The following ICE2 variants were observed in gnomAD, a reference collection of about 807,000 sequenced individuals.
ICE2 encodes the protein little elongation complex subunit 2.
Under a neutral mutation model 105.4 loss-of-function variants are expected in ICE2, and 87 were observed. The ratio of observed to expected loss-of-function variants is 0.83; its 90% CI spans 0.69 to 0.99. The LOEUF (loss-of-function observed/expected upper bound fraction) is 0.99, where lower values mean the gene tolerates loss of function less well. Among genes scored for constraint, ICE2 ranks in the 50% least tolerant of loss-of-function variants. The pLI, the probability that ICE2 is intolerant of heterozygous loss-of-function variation, is 0.00. For synonymous variants in ICE2, 399 were observed against 392.0 expected (o/e 1.02, Z -0.21); for missense variants, 1,323 against 1,146.7 (o/e 1.15, Z -2.22).
intron 8 of ICE2, among the ~76,000 whole-genome samples, chr15:60,453,985 A>G (rs890459552): frequency 6.6e-6 from 1 of 152,206 alleles, no homozygotes; most frequent in Non-Finnish European, 1.5e-5. Context: ...AACTGGCAGG[A>G]GAAAAATGTC....
At chr15:60,471,690 G>A (rs187750350) in intron 3 of ICE2, among the ~76,000 whole-genome samples, 38 of 151,952 alleles carry the variant, frequency 2.5e-4, no homozygotes, top group Admixed American at 4.6e-4. Context: ...CTCTATTCAC[G>A]TATACAGCAT....
chr15:60,453,494 T>TAA (rs2064016911), intron 9 of ICE2, 109 bp downstream of exon 9: 1 of 1,475,630 alleles, frequency 6.8e-7, no homozygotes, highest in Admixed American at 2.6e-5. Context: ...AGTTTGAATC[T>TAA]AAAGCCTGTA....
chr15:60,462,247 A>G (rs2064299514), intron 5 of ICE2, among the ~76,000 whole-genome samples: 1 of 152,248 alleles, frequency 6.6e-6, no homozygotes, highest in African/African-American at 2.4e-5. Context: ...GTGAATGAAT[A>G]CATCTAGGCA....
At chr15:60,429,653 T>TTA (rs1243861071) in intron 14 of ICE2, among the ~76,000 whole-genome samples, 18 of 152,212 alleles carry the variant, frequency 1.2e-4, no homozygotes, top group Non-Finnish European at 1.6e-4. Context: ...TTATCATACT[T>TTA]TAGCTATACA....
rs142392036 is a variant in ICE2, at chr15:60,468,315, C to G, written c.154G>C (p.Gly52Arg). 6.3e-7 allele frequency: 1 copy of G among 1,598,732 alleles called. No individual in the cohort carries two copies. The highest frequency in any genetic ancestry group is 8.6e-7 in the Non-Finnish European group (1 of 1,169,096). Residue 52 changes from glycine (G) to arginine (R), a missense_variant, in exon 4 of 16, where the codon GGA (glycine) becomes CGA (arginine). Coordinates refer to ENST00000261520, the MANE Select transcript of ICE2 (RefSeq NM_024611.6). ...ELRVLSNRRI[G>R]ENLNASASSV... ...CTTGCTGAGGCATTCAAATTTTCTC[C>G]TATACGTCTGGAAAACAAAATATAA...
Position 60,431,974 on chromosome 15 carries a change from A to C in ICE2, c.2521T>G (p.Leu841Val), listed in dbSNP as rs1178321776. 2 of 1,420,084 alleles carry C rather than the reference A, an allele frequency of 1.4e-6. No individual in the cohort carries two copies. The highest frequency in any genetic ancestry group is 2.0e-6 in the Non-Finnish European group (2 of 1,019,820). The allele number at this position is 1,420,084 out of a possible 1,614,324, so 88.0% of individuals were successfully genotyped here. A position where few individuals can be genotyped will look rare whatever the true frequency, so the allele number is the denominator to read the frequency against. Residue 841 changes from leucine to valine, a missense_variant, in exon 14 of 16, where the codon TTA becomes GTA. Transcript: ENST00000261520. Reference protein sequence around the residue: ...EKLSALKISNLFNILQHILKK... With the variant: ...EKLSALKISNVFNILQHILKK... ...AGAATGTGTTGGAGGATGTTAAATA[A>C]ATTGGAAATCCTGATAAACAAAAGA...
intron 2 of ICE2, among the ~76,000 whole-genome samples, 178 bp from the exon 3 acceptor site, chr15:60,476,345 T>C (rs1204998127): frequency 6.6e-6 from 1 of 152,214 alleles, no homozygotes; most frequent in African/African-American, 2.4e-5. Flanking sequence ...GAAGTGTTAC[T>C]TCTTGGATAG....
At chr15:60,439,755 G>A (rs1468845898) in intron 12 of ICE2, 54 of 152,176 alleles carry the variant, frequency 3.5e-4, no homozygotes, top group Admixed American at 3.5e-3. Flanking sequence ...TATCCTTGGT[G>A]CCTTCAATGT....
chr15:60,441,364 C>CA (rs1170984827), intron 12 of ICE2: 1 of 151,984 alleles, frequency 6.6e-6, no homozygotes, highest in Non-Finnish European at 1.5e-5. Context: ...ACTGATTAAC[C>CA]AAAACAGGAA....
intron 3 of ICE2, 65 bp from the exon 4 acceptor site, chr15:60,468,387 C>T (rs781040885): frequency 3.2e-6 from 4 of 1,257,350 alleles, no homozygotes; most frequent in Non-Finnish European, 4.5e-6. Context: ...CATGGAACTT[C>T]ATGATTCTCA....
intron 5 of ICE2, among the ~76,000 whole-genome samples, chr15:60,461,395 T>C (rs925503024): frequency 1.3e-4 from 20 of 152,286 alleles, no homozygotes; most frequent in South Asian, 6.2e-4. Context: ...AATACTTCAA[T>C]AGACATTTCA....
chr15:60,460,528 G>C (rs1056323899), intron 5 of ICE2, among the ~76,000 whole-genome samples: 1 of 152,190 alleles, frequency 6.6e-6, no homozygotes. Flanking sequence ...TGATGGTGAC[G>C]AGGTAACTCA....
rs1251785346 is a variant in ICE2, at chr15:60,456,644, T to C, written c.666+13A>G. The C allele has an allele frequency of 1.1e-5, 17 of 1,555,952 alleles. No individual in the cohort carries two copies. Among genetic ancestry groups the C allele is most frequent in the Admixed American group, 1.9e-5 (1 of 53,364 alleles). On this transcript the variant is annotated intron_variant, in intron 6 of 15. Transcript: ENST00000261520. ...ACAAAAAAAAGCTTATATCGTCTGA[T>C]AATAAACCTTACCAATGCGAGAAGA...
In ICE2 at chr15:60,456,031, AAT is replaced by A. The variant is rs1480670403; in HGVS notation, c.667-591_667-590del. Among the ~76,000 whole-genome samples the A allele has an allele frequency of 3.9e-5, 6 of 152,022 alleles. No homozygotes were observed. In the East Asian group the frequency reaches 9.7e-4, roughly 25 times the overall value. Reference sequence around the variant, plus strand: ...ATATCCTCTCCACACACTTATTTCCAATATGTTTGTCAATAAAATCCCATTAA... The same window carrying A: ...ATATCCTCTCCACACACTTATTTCCAATGTTTGTCAATAAAATCCCATTAA... On this transcript the variant is annotated intron_variant, in intron 6 of 15. Coordinates refer to ENST00000261520, the MANE Select transcript of ICE2 (RefSeq NM_024611.6).
In ICE2 at chr15:60,478,051, C is replaced by T; in HGVS notation, c.-74G>A. ...CTGCGAAGGCTCCAAGAGGCAGGAT[C>T]CCTCCAGAACTTACTCAGCTGAGTA... is the stretch of plus-strand genomic sequence containing the variant. On this transcript the variant is annotated 5_prime_UTR_variant, in exon 2 of 16. Coordinates refer to ENST00000261520, the MANE Select transcript of ICE2 (RefSeq NM_024611.6). 1 of 1,361,652 alleles carries T rather than the reference C, an allele frequency of 7.3e-7. No individual in the cohort carries two copies. 84.3% of individuals were successfully genotyped at this position (1,361,652 alleles called of 1,614,324 possible). A position where few individuals can be genotyped will look rare whatever the true frequency, so the allele number is the denominator to read the frequency against.
intron 15 of ICE2, among the ~76,000 whole-genome samples, chr15:60,427,390 C>G (rs1256505193): frequency 1.3e-5 from 2 of 152,152 alleles, no homozygotes; most frequent in African/African-American, 4.8e-5. Flanking sequence ...TGAACACATT[C>G]AGAGTCATTT....
Position 60,449,363 on chromosome 15 carries a change from A to G in ICE2, c.1604T>C (p.Leu535Ser). 3 of 1,613,210 alleles carry G rather than the reference A, an allele frequency of 1.9e-6. No individual in the cohort carries two copies. Among genetic ancestry groups the G allele is most frequent in the Non-Finnish European group, 1.7e-6 (2 of 1,179,688 alleles). The change falls in exon 10 of 16, where the codon TTA becomes TCA. Residue 535 changes from leucine (L) to serine (S), a missense_variant. Transcript: ENST00000261520. ...ATTAGGTCTTTCACCATCAGCATGT[A>G]ATATATCTATAGTCATATCATTTTT... ...SNKNDMTIDI[L>S]HADGERPNVL...
intron 15 of ICE2, among the ~76,000 whole-genome samples, chr15:60,424,260 T>G: frequency 6.9e-6 from 1 of 144,918 alleles, no homozygotes. Flanking sequence ...AGGAAAGAGA[T>G]GAAGATTAAG....
Position 60,466,524 on chromosome 15 carries a change from A to T in ICE2, c.528+70T>A, listed in dbSNP as rs964779368. On this transcript the variant is annotated intron_variant, in intron 5 of 15. Coordinates refer to ENST00000261520, the MANE Select transcript of ICE2 (RefSeq NM_024611.6). The stretch of plus-strand genomic sequence containing the variant: ...AGTTCCGAATGCTTTTGGTGGAATC[A>T]TCACATATTTCAGAATGCTGCTATT... The T allele has an allele frequency of 9.0e-6, 14 of 1,557,196 alleles. 1 individual carries two copies. The Admixed American group carries it at 2.2e-4, about 25-fold the overall frequency.
Sources: allele counts gnomAD v4.1 joint callset (sites outside exome capture counted in the v4.1 genomes callset), GRCh38; gene constraint gnomAD v4.1.1; transcripts MANE v1.5; gene names NCBI Gene and HGNC (gene_info 2026-07-23, HGNC 2026-07-21).